The following NFE2L3 variants were observed in gnomAD, a reference collection of about 807,000 sequenced individuals.
NFE2L3 encodes NFE2 like bZIP transcription factor 3.
NFE2L3 carries 18 observed loss-of-function variants against 23.5 expected under a neutral mutation model. The observed-to-expected ratio is 0.77, with a 90% CI of 0.53 to 1.13. NFE2L3 has a LOEUF of 1.13. Among genes scored for constraint, NFE2L3 ranks in the 50% most tolerant of loss-of-function variants. NFE2L3 has a pLI of 0.00. For missense variants in NFE2L3, 1,152 were observed against 877.2 expected (o/e 1.31, Z -3.96); for synonymous variants, 424 against 354.5 (o/e 1.20, Z -2.20).
At chr7:26,181,997 T>C (rs932542430) in intron 2 of NFE2L3, among the ~76,000 whole-genome samples, 2 of 151,242 alleles carry the variant, frequency 1.3e-5, no homozygotes, top group African/African-American at 4.8e-5. Flanking sequence ...TTACTTCTAA[T>C]AGGAGTCCCA....
rs1212710926 is a variant in NFE2L3, at chr7:26,185,649, G to T, written c.1951G>T (p.Asp651Tyr). 4.3e-6 allele frequency: 7 copies of T among 1,613,796 alleles called. No individual in the cohort carries two copies. Among genetic ancestry groups the T allele is most frequent in the Non-Finnish European group, 5.9e-6 (7 of 1,179,824 alleles). ...LYHDIFSRLR[D>Y]DQGRPVNPNH... ...TCATGATATTTTTAGTAGATTAAGA[G>T]ATGACCAAGGTAGGCCAGTCAATCC... is the stretch of plus-strand genomic sequence containing the variant. The change falls in exon 4 of 4, where the codon GAT becomes TAT. Residue 651 changes from aspartate (D) to tyrosine (Y), a missense_variant. Asp to Tyr is a radical substitution (Grantham distance 160). Transcript: ENST00000056233.
intron 1 of NFE2L3, 59 bp from the exon 2 acceptor site, chr7:26,177,884 A>G: frequency 6.9e-7 from 1 of 1,446,254 alleles, no homozygotes; most frequent in Non-Finnish European, 9.5e-7. Flanking sequence ...CCTGAACAAT[A>G]AGCACAATGC....
Position 26,152,416 on chromosome 7 carries a change from CG to C in NFE2L3, c.-79del. 1.0e-6 allele frequency: 1 copy of C among 1,004,958 alleles called. No homozygotes were observed. Among genetic ancestry groups the C allele is most frequent in the Non-Finnish European group, 1.3e-6 (1 of 794,088 alleles). The allele number at this position is 1,004,958 out of a possible 1,614,324, so 62.3% of individuals were successfully genotyped here. A position where few individuals can be genotyped will look rare whatever the true frequency, so the allele number is the denominator to read the frequency against. On this transcript the variant is annotated 5_prime_UTR_variant, in exon 1 of 4. Coordinates refer to ENST00000056233, the MANE Select transcript of NFE2L3 (RefSeq NM_004289.7). This position sits in a 1 kb window ranked among gnomAD's most constrained non-coding sequence, Gnocchi z 4.4. ...GTTCCAGGCAGGTGCGGGCGGCGCGCGGGGTCCGCACGTGTCACCCCGGCGG... is the reference window on the plus strand; with the variant it reads ...GTTCCAGGCAGGTGCGGGCGGCGCGCGGGTCCGCACGTGTCACCCCGGCGG...
At chr7:26,184,418 A>C (rs183536766) in intron 3 of NFE2L3, 115 bp from the exon 4 acceptor site, 9 of 903,034 alleles carry the variant, frequency 1.0e-5, no homozygotes, top group East Asian at 2.4e-5. Flanking sequence ...AACAGCATCT[A>C]TCTCTATTAA....
In NFE2L3 at chr7:26,186,976, A is replaced by AT. The variant is rs1491493007; in HGVS notation, c.*1194dup. The AT allele has an allele frequency of 5.3e-5, 8 of 152,206 alleles. No homozygotes were observed. The highest frequency in any genetic ancestry group is 5.2e-4 in the Admixed American group (8 of 15,284). The allele number at this position is 152,206 out of a possible 1,614,324, so 9.4% of individuals were successfully genotyped here. ...ATTTTGACGGGTACTATAATGCTTA[A>AT]TATGTCCAAATTTTCAAAATGAAGT... On this transcript the variant is annotated 3_prime_UTR_variant, in exon 4 of 4. Coordinates refer to ENST00000056233, the MANE Select transcript of NFE2L3 (RefSeq NM_004289.7).
intron 2 of NFE2L3, among the ~76,000 whole-genome samples, chr7:26,180,553 A>G (rs991210749): frequency 6.6e-6 from 1 of 152,290 alleles, no homozygotes; most frequent in Non-Finnish European, 1.5e-5. Flanking sequence ...ATTTCTGCCC[A>G]CTTCCCTGAG....
At chr7:26,165,355 G>A (rs1345431484) in intron 1 of NFE2L3, among the ~76,000 whole-genome samples, 1 of 152,098 alleles carries the variant, frequency 6.6e-6, no homozygotes, top group African/African-American at 2.4e-5. Context: ...TCCTTGAAGA[G>A]GTCCTTCACA....
At chr7:26,171,389 C>A (rs897036015) in intron 1 of NFE2L3, among the ~76,000 whole-genome samples, 4 of 151,948 alleles carry the variant, frequency 2.6e-5, no homozygotes, top group African/African-American at 9.7e-5. Flanking sequence ...ACTAAAAATA[C>A]AAAAATTATC....
At chr7:26,181,578 TG>T (rs1374123885) in intron 2 of NFE2L3, among the ~76,000 whole-genome samples, 1 of 152,032 alleles carries the variant, frequency 6.6e-6, no homozygotes, top group African/African-American at 2.4e-5. Context: ...GTCTGGAAAA[TG>T]ATATAAACAC....
At chr7:26,175,631 T>C (rs567767011) in intron 1 of NFE2L3, among the ~76,000 whole-genome samples, 1 of 151,682 alleles carries the variant, frequency 6.6e-6, no homozygotes, top group Admixed American at 6.6e-5. Flanking sequence ...CAACAAAAAT[T>C]AGCCGGGTGT....
At position 26,185,515 on chromosome 7, in the gene NFE2L3, T is replaced by C. The variant is rs746921531; in HGVS notation, c.1817T>C (p.Leu606Ser). Residue 606 changes from leucine to serine, a missense_variant, in exon 4 of 4, where the codon TTA becomes TCA. Physicochemically the swap from Leu to Ser is moderately radical, Grantham distance 145. Coordinates refer to ENST00000056233, the MANE Select transcript of NFE2L3 (RefSeq NM_004289.7). The stretch of plus-strand genomic sequence containing the variant: ...CGCAAATTGGACATAATTTTGAATT[T>C]AGAAGATGATGTATGTAACTTGCAA... ...RKRKLDIILN[L>S]EDDVCNLQAK... The C allele has an allele frequency of 9.9e-6, 16 of 1,613,846 alleles. No individual in the cohort carries two copies. Among genetic ancestry groups the C allele is most frequent in the Middle Eastern group, 1.6e-4 (1 of 6,078 alleles).
rs1437048069 is a variant in NFE2L3 at position 26,152,698 on chromosome 7, G to T, written c.200G>T (p.Gly67Val). The T allele has an allele frequency of 6.8e-7, 1 of 1,479,988 alleles. No homozygotes were observed. The highest frequency in any genetic ancestry group is 1.5e-5 in the African/African-American group (1 of 68,572). 91.7% of individuals were successfully genotyped at this position (1,479,988 alleles called of 1,614,324 possible). A position where few individuals can be genotyped will look rare whatever the true frequency, so the allele number is the denominator to read the frequency against. ...CTCAGCCCCTTCTCGGCCTCGGGAG[G>T]GTGGGGGCGCGCGGGCCACTTGCAC... ...YALSPFSASGGWGRAGHLHPK... is the reference protein window; with the variant it reads ...YALSPFSASGVWGRAGHLHPK... Residue 67 changes from glycine (G) to valine (V), a missense_variant, in exon 1 of 4, where the codon GGG becomes GTG. Physicochemically the swap from Gly to Val is moderately radical, Grantham distance 109. Coordinates refer to ENST00000056233, the MANE Select transcript of NFE2L3 (RefSeq NM_004289.7). This position sits in a 1 kb window ranked among gnomAD's most constrained non-coding sequence, Gnocchi z 4.4.
chr7:26,184,475 A>G, intron 3 of NFE2L3, 58 bp from the exon 4 acceptor site: 1 of 1,485,040 alleles, frequency 6.7e-7, no homozygotes, highest in Non-Finnish European at 9.1e-7. Flanking sequence ...GTTAGGTAAT[A>G]GAACTGCTTC....
intron 1 of NFE2L3, among the ~76,000 whole-genome samples, chr7:26,168,170 T>C (rs541002539): frequency 7.3e-5 from 11 of 151,428 alleles, no homozygotes; most frequent in Admixed American, 2.0e-4. Context: ...AGAGTCATAC[T>C]CTGTCACCCA....
chr7:26,169,408 A>G (rs924596176), intron 1 of NFE2L3, among the ~76,000 whole-genome samples: 5 of 152,172 alleles, frequency 3.3e-5, no homozygotes, highest in Admixed American at 1.3e-4. Context: ...CTTGTCCCAC[A>G]TTGGGCCAAG....
intron 1 of NFE2L3, among the ~76,000 whole-genome samples, chr7:26,157,400 A>G (rs994347844): frequency 1.1e-4 from 17 of 151,952 alleles, no homozygotes; most frequent in African/African-American, 4.1e-4. Context: ...GCTGGTCTCA[A>G]ACTCCTGGGC....
At chr7:26,183,549 T>TATA (rs1184225595) in intron 2 of NFE2L3, 152 bp from the exon 3 acceptor site, 15 of 568,280 alleles carry the variant, frequency 2.6e-5, no homozygotes, top group African/African-American at 2.5e-4. Flanking sequence ...CGTCTCAAAA[T>TATA]ATAATAAAAA....
chr7:26,157,181 A>G (rs1258557387), intron 1 of NFE2L3, among the ~76,000 whole-genome samples: 2 of 152,068 alleles, frequency 1.3e-5, no homozygotes, highest in East Asian at 3.9e-4. Context: ...TGATCCAGTC[A>G]ATATTTAATT....
intron 1 of NFE2L3, among the ~76,000 whole-genome samples, chr7:26,168,530 A>AAT (rs202013030): frequency 3.2e-4 from 48 of 147,840 alleles, no homozygotes; most frequent in Non-Finnish European, 4.9e-4. Flanking sequence ...ATATGCATAT[A>AAT]ATATATATAT....
Sources: gnomAD v4.1 joint callset for allele counts (sites outside exome capture counted in the v4.1 genomes callset) on GRCh38, gnomAD v4.1.1 for gene constraint, Gnocchi (gnomAD v3.1) non-coding constraint, MANE v1.5 for transcripts, NCBI Gene and HGNC (gene_info 2026-07-23, HGNC 2026-07-21) for gene names.